Variants in XKR9 observed in about 807,000 individuals in gnomAD.
The protein encoded by XKR9 is XK related 9, also known as XK-related protein 9.
A neutral mutation model predicts 32.0 loss-of-function variants in XKR9; 32 were observed. The ratio of observed to expected loss-of-function variants is 1.00; its 90% CI spans 0.76 to 1.34. The LOEUF is 1.34. XKR9 is among the 40% of genes most tolerant of loss of function. XKR9 has a pLI of 0.00. For missense variants in XKR9, 546 were observed against 429.7 expected (o/e 1.27, Z -2.39); for synonymous variants, 168 against 143.4 (o/e 1.17, Z -1.22).
In XKR9 at chr8:70,785,338, G is replaced by A. The variant is rs535200391; in HGVS notation, n.353-4001G>A. 4.0e-5 allele frequency among the ~76,000 whole-genome samples: 6 copies of A among 151,840 alleles called. No individual in the cohort carries two copies. The South Asian group carries it at 1.0e-3, about 26-fold the overall frequency. On this transcript the variant is annotated intron_variant and non_coding_transcript_variant, in intron 2 of 3. Coordinates refer to the XKR9 transcript ENST00000520273. ...CTCCTATGATCGTTTTTATTTCTGTGATATCAGTTGTAATGTCTCCTCTTT... is the reference window on the plus strand; with the variant it reads ...CTCCTATGATCGTTTTTATTTCTGTAATATCAGTTGTAATGTCTCCTCTTT...
the XKR9 span, among the ~76,000 whole-genome samples, chr8:71,061,499 C>G: frequency 6.6e-6 from 1 of 152,170 alleles, no homozygotes; most frequent in East Asian, 1.9e-4. Flanking sequence ...CCAAATATAT[C>G]TCCCTTTAGT....
intron 2 of XKR9, among the ~76,000 whole-genome samples, chr8:70,773,143 C>T (rs1235655675): frequency 1.3e-5 from 2 of 152,296 alleles, no homozygotes; most frequent in Non-Finnish European, 2.9e-5. Flanking sequence ...AAAGCCAGTG[C>T]ATTCTTTCAG....
chr8:70,767,385 G>T (rs1274028137), intron 2 of XKR9, among the ~76,000 whole-genome samples: 4 of 151,900 alleles, frequency 2.6e-5, no homozygotes, highest in South Asian at 2.1e-4. Flanking sequence ...ATTTATTTGC[G>T]TAGAGGTGTT....
chr8:70,722,701 T>C (rs1400212140), intron 4 of XKR9, among the ~76,000 whole-genome samples: 1 of 152,164 alleles, frequency 6.6e-6, no homozygotes, highest in South Asian at 2.1e-4. Flanking sequence ...GTAGATGACC[T>C]GGCCTTTCTC....
chr8:70,731,404 C>T (rs977336312), intron 4 of XKR9, among the ~76,000 whole-genome samples: 5 of 152,026 alleles, frequency 3.3e-5, no homozygotes, highest in African/African-American at 1.2e-4. Flanking sequence ...TTTTGATGAC[C>T]CTGCTTGATG....
the XKR9 span, among the ~76,000 whole-genome samples, chr8:70,878,618 A>G: frequency 1.3e-5 from 2 of 152,330 alleles, no homozygotes; most frequent in East Asian, 1.9e-4. Flanking sequence ...TCCTAAATAT[A>G]TATGCACCCA....
the XKR9 span, among the ~76,000 whole-genome samples, chr8:70,945,369 A>G: frequency 6.6e-6 from 1 of 152,192 alleles, no homozygotes; most frequent in South Asian, 2.1e-4. Context: ...AGTCTCATAG[A>G]ATTACATTAA....
At chr8:70,907,741 T>C in the XKR9 span, among the ~76,000 whole-genome samples, 1 of 152,376 alleles carries the variant, frequency 6.6e-6, no homozygotes, top group East Asian at 1.9e-4. Flanking sequence ...CTTTATTCTG[T>C]TTTGATCTTT....
At chr8:71,047,787 G>A in the XKR9 span, among the ~76,000 whole-genome samples, 3 of 152,126 alleles carry the variant, frequency 2.0e-5, no homozygotes, top group African/African-American at 4.8e-5. Context: ...AAATGTGTGC[G>A]AGTGACTGGT....
chr8:71,061,658 G>C, the XKR9 span, among the ~76,000 whole-genome samples: 2 of 152,188 alleles, frequency 1.3e-5, no homozygotes, highest in Admixed American at 6.5e-5. Flanking sequence ...AAGAGAGAGA[G>C]AGAAATGGCA....
At chr8:70,987,570 C>G in the XKR9 span, among the ~76,000 whole-genome samples, 344 of 152,324 alleles carry the variant, frequency 2.3e-3, 1 homozygote, top group Admixed American at 3.4e-3. Context: ...GCACCTCTGC[C>G]CCTGTGGCTT....
chr8:70,814,045 A>G, the XKR9 span, among the ~76,000 whole-genome samples: 4 of 152,340 alleles, frequency 2.6e-5, no homozygotes, highest in African/African-American at 7.2e-5. Context: ...AACCAACCCA[A>G]ATGTCCAACA....
At chr8:70,705,828 C>T (rs1805699709) in intron 3 of XKR9, among the ~76,000 whole-genome samples, 1 of 151,810 alleles carries the variant, frequency 6.6e-6, no homozygotes, top group Admixed American at 6.6e-5. Context: ...ATCAGAGAGA[C>T]CAATTATGAG....
chr8:70,926,623 T>C, the XKR9 span, among the ~76,000 whole-genome samples: 1 of 152,222 alleles, frequency 6.6e-6, no homozygotes, highest in Non-Finnish European at 1.5e-5. Context: ...GGAGGAGAAT[T>C]GTTTATTTCA....
the XKR9 span, among the ~76,000 whole-genome samples, chr8:71,007,173 A>G: frequency 6.6e-6 from 1 of 152,210 alleles, no homozygotes; most frequent in Non-Finnish European, 1.5e-5. Flanking sequence ...GAAGAAATGT[A>G]GTAGAAGAAA....
the XKR9 span, among the ~76,000 whole-genome samples, chr8:71,038,576 C>A: frequency 6.6e-6 from 1 of 151,466 alleles, no homozygotes; most frequent in Non-Finnish European, 1.5e-5. Context: ...CCTCGGCATC[C>A]AAAAGTGCTG....
chr8:70,892,511 T>C, the XKR9 span, among the ~76,000 whole-genome samples: 12 of 152,290 alleles, frequency 7.9e-5, no homozygotes, highest in African/African-American at 2.9e-4. Flanking sequence ...TGAGCATTTC[T>C]TATAGGGCTG....
At chr8:70,804,337 A>G in the XKR9 span, among the ~76,000 whole-genome samples, 1 of 152,228 alleles carries the variant, frequency 6.6e-6, no homozygotes, top group African/African-American at 2.4e-5. Context: ...GGGTCAGGCA[A>G]TTTTATAGTT....
chr8:70,730,287 A>G (rs1256934692), intron 4 of XKR9, among the ~76,000 whole-genome samples: 1 of 152,202 alleles, frequency 6.6e-6, no homozygotes, highest in Non-Finnish European at 1.5e-5. Flanking sequence ...TCAATGTTAA[A>G]GCTAGTTTTT....
Sources: gnomAD v4.1 joint callset for allele counts (sites outside exome capture counted in the v4.1 genomes callset) on GRCh38, gnomAD v4.1.1 for gene constraint, MANE v1.5 for transcripts, NCBI Gene and HGNC (gene_info 2026-07-23, HGNC 2026-07-21) for gene names.